IL2RB: variants seen among roughly 807,000 people sequenced by gnomAD.
IL2RB encodes interleukin 2 receptor subunit beta.
IL2RB carries 17 observed loss-of-function variants against 44.2 expected under a neutral mutation model. That is an observed-to-expected ratio of 0.38 (90% CI 0.26 to 0.58). The LOEUF is 0.58. Ranked by LOEUF, IL2RB falls within the 20% of genes least tolerant of loss-of-function variation. The pLI is 0.63. For synonymous variants in IL2RB, 286 were observed against 297.9 expected (o/e 0.96, Z 0.41); for missense variants, 624 against 685.5 (o/e 0.91, Z 1.00).
chr22:37,169,050 A>G (rs11705113), intron 1 of IL2RB, among the ~76,000 whole-genome samples: 1 of 149,104 alleles, frequency 6.7e-6, no homozygotes, highest in Non-Finnish European at 1.5e-5. Context: ...TGTTTACAGA[A>G]GGGTTCTTGT....
At chr22:37,163,152 G>A (rs946722020) in intron 1 of IL2RB, among the ~76,000 whole-genome samples, 4 of 152,160 alleles carry the variant, frequency 2.6e-5, no homozygotes, top group African/African-American at 9.7e-5. Context: ...GAACTAGTTA[G>A]AGGATCTGGA....
chr22:37,145,764 G>A (rs1601604495), intron 1 of IL2RB, among the ~76,000 whole-genome samples: 2 of 152,012 alleles, frequency 1.3e-5, no homozygotes, highest in African/African-American at 2.4e-5. Context: ...AGATGTGGAG[G>A]AGGTGGAACA....
At chr22:37,173,738 C>A (rs1923362493) in intron 1 of IL2RB, among the ~76,000 whole-genome samples, 1 of 152,112 alleles carries the variant, frequency 6.6e-6, no homozygotes, top group South Asian at 2.1e-4. Flanking sequence ...ATTAACCACA[C>A]ACTAAACTGC....
intron 1 of IL2RB, among the ~76,000 whole-genome samples, chr22:37,164,054 C>T (rs1164983399): frequency 2.0e-5 from 3 of 152,226 alleles, no homozygotes; most frequent in Admixed American, 1.3e-4. Flanking sequence ...CCTCTGGAAA[C>T]AGCCCAGAGG....
intron 8 of IL2RB, among the ~76,000 whole-genome samples, chr22:37,134,509 C>T (rs576631367): frequency 9.9e-5 from 15 of 152,150 alleles, no homozygotes; most frequent in South Asian, 4.2e-4. Flanking sequence ...GGGAGGATGA[C>T]GCAGGAGAAT....
chr22:37,164,489 G>A (rs889283087), intron 1 of IL2RB, among the ~76,000 whole-genome samples: 4 of 151,426 alleles, frequency 2.6e-5, no homozygotes, highest in African/African-American at 9.7e-5. Context: ...CGGGTGGTGG[G>A]GGTGGTGGGC....
chr22:37,147,521 G>T (rs923412752), intron 1 of IL2RB, among the ~76,000 whole-genome samples: 2 of 152,226 alleles, frequency 1.3e-5, no homozygotes, highest in African/African-American at 4.8e-5. Context: ...CGTCTAAGCT[G>T]CCCAATGGCT....
At chr22:37,146,118 T>C (rs1922211306) in intron 1 of IL2RB, among the ~76,000 whole-genome samples, 1 of 152,076 alleles carries the variant, frequency 6.6e-6, no homozygotes, top group Non-Finnish European at 1.5e-5. Context: ...TTTGCCCCCA[T>C]ACCTAGCCAG....
At chr22:37,168,195 T>C (rs889636486) in intron 1 of IL2RB, among the ~76,000 whole-genome samples, 2 of 152,254 alleles carry the variant, frequency 1.3e-5, no homozygotes, top group Non-Finnish European at 2.9e-5. Flanking sequence ...GATTTGATTC[T>C]AAACTGGCTA....
chr22:37,155,522 A>T (rs1348456338), intron 1 of IL2RB, among the ~76,000 whole-genome samples: 1 of 152,194 alleles, frequency 6.6e-6, no homozygotes, highest in Admixed American at 6.5e-5. Context: ...GGCTTTGTGC[A>T]TGCTGAGCCT....
At chr22:37,168,201 G>A (rs1266407906) in intron 1 of IL2RB, among the ~76,000 whole-genome samples, 1 of 152,212 alleles carries the variant, frequency 6.6e-6, no homozygotes, top group Admixed American at 6.5e-5. Flanking sequence ...ATTCTAAACT[G>A]GCTAAGACGT....
intron 1 of IL2RB, among the ~76,000 whole-genome samples, chr22:37,163,917 G>A (rs1922969979): frequency 1.3e-5 from 2 of 152,258 alleles, no homozygotes; most frequent in Admixed American, 6.5e-5. Flanking sequence ...GAGCTGCTCT[G>A]TGAGAAACGG....
At chr22:37,143,863 C>A (rs1922091389) in intron 2 of IL2RB, among the ~76,000 whole-genome samples, 1 of 151,566 alleles carries the variant, frequency 6.6e-6, no homozygotes, top group African/African-American at 2.4e-5. Flanking sequence ...GAAAGTAGCA[C>A]AAGCCTGTGG....
intron 1 of IL2RB, among the ~76,000 whole-genome samples, chr22:37,163,508 C>A (rs986832208): frequency 6.6e-6 from 1 of 152,184 alleles, no homozygotes; most frequent in Non-Finnish European, 1.5e-5. Context: ...AAAGATGCCC[C>A]GCAAGGACTG....
At chr22:37,159,545 G>T (rs9622555) in intron 1 of IL2RB, among the ~76,000 whole-genome samples, 33,163 of 151,998 alleles carry the variant, frequency 0.22, 3,972 homozygotes, top group Non-Finnish European at 0.28. Flanking sequence ...AACATATATA[G>T]AGAGAAACTG....
intron 6 of IL2RB, 95 bp downstream of exon 6, chr22:37,137,492 G>T: frequency 1.5e-6 from 2 of 1,364,150 alleles, no homozygotes; most frequent in Non-Finnish European, 2.1e-6. Flanking sequence ...TCCACCTGGG[G>T]CTGAGGGGAC....
At chr22:37,151,499 C>T (rs183881351), upstream of IL2RB, among the ~76,000 whole-genome samples, 3 of 152,224 alleles carry the variant, frequency 2.0e-5, no homozygotes, top group East Asian at 3.9e-4. Context: ...ATATTTTCTC[C>T]CATTCTGTGG....
rs1221462854 is a variant in IL2RB, at chr22:37,137,729, A to G, written c.395T>C (p.Leu132Pro). The stretch of plus-strand genomic sequence containing the variant: ...AACTTGGAGGGAGATGGGGGCCATC[A>G]GGCGAACTGGAGACAACAGGGGGTA... The part of the protein sequence containing the change: ...QDFKPFENLR[L>P]MAPISLQVVH... The change falls in exon 6 of 10, where the codon CTG (leucine) becomes CCG (proline). Residue 132 changes from leucine to proline, a missense_variant. By Grantham distance (98) the Leu-to-Pro change is moderately conservative. Coordinates refer to ENST00000216223, the MANE Select transcript of IL2RB (RefSeq NM_000878.5). 1.2e-6 allele frequency: 2 copies of G among 1,613,714 alleles called. No individual in the cohort carries two copies. Among genetic ancestry groups the G allele is most frequent in the African/African-American group, 2.7e-5 (2 of 74,872 alleles).
intron 1 of IL2RB, among the ~76,000 whole-genome samples, chr22:37,146,173 T>G (rs1276675385): frequency 6.6e-6 from 1 of 152,104 alleles, no homozygotes; most frequent in African/African-American, 2.4e-5. Flanking sequence ...GACTACTTGT[T>G]GTCTCTTCCC....
Sources: allele counts gnomAD v4.1 joint callset (sites outside exome capture counted in the v4.1 genomes callset), GRCh38; gene constraint gnomAD v4.1.1; transcripts MANE v1.5; gene names NCBI Gene and HGNC (gene_info 2026-07-23, HGNC 2026-07-21).